BSDC1: variants seen among roughly 807,000 people sequenced by gnomAD.
The protein encoded by BSDC1 is BSD domain-containing protein 1.
A neutral mutation model predicts 56.0 loss-of-function variants in BSDC1; 29 were observed. That is an observed-to-expected ratio of 0.52 (90% confidence interval 0.39 to 0.71). The LOEUF is 0.71. Ranked by LOEUF, BSDC1 falls within the 30% of genes least tolerant of loss-of-function variation. The probability of loss-of-function intolerance (pLI) is 0.00; values close to 1 mark genes in which losing one functional copy is unlikely to be tolerated. For synonymous variants in BSDC1, 210 were observed against 215.3 expected, an observed-to-expected ratio of 0.98 and a Z score of 0.21; for missense variants, 477 against 548.5, an observed-to-expected ratio of 0.87 and a Z score of 1.30.
intron 2 of BSDC1, among the ~76,000 whole-genome samples, chr1:32,390,633 G>C (rs571205607): frequency 3.3e-5 from 5 of 152,132 alleles, no homozygotes; most frequent in Non-Finnish European, 2.9e-5. Context: ...AAAGCTGGCC[G>C]GGCATGGTGG....
rs1371994155 is a variant in BSDC1, at chr1:32,364,747, A to G, written c.*1875T>C. On this transcript the variant is annotated 3_prime_UTR_variant, in exon 11 of 11. Coordinates refer to ENST00000455895, the MANE Select transcript of BSDC1 (RefSeq NM_018045.8). ...GCCACTGCGCCTGGCATGACAAGTG[A>G]TTTTCATACTAAAGTTAATTAAAAT... Among the ~76,000 whole-genome samples, 3 of 152,194 alleles carry G rather than the reference A, an allele frequency of 2.0e-5. No individual in the cohort carries two copies. The highest frequency in any genetic ancestry group is 7.2e-5 in the African/African-American group (3 of 41,438).
In BSDC1 at chr1:32,381,262, G is replaced by A; in HGVS notation, c.364C>T (p.Leu122Phe). Residue 122 changes from leucine to phenylalanine, a missense_variant, in exon 5 of 11, where the codon CTC (leucine) becomes TTC (phenylalanine). Coordinates refer to ENST00000455895, the MANE Select transcript of BSDC1 (RefSeq NM_018045.8). ...GCTGGGTCCGACTGCAGGCTATAGA[G>A]GCGAGCCTGTAAGAAAAGGAGAAGA... is the stretch of plus-strand genomic sequence containing the variant. Reference protein sequence around the residue: ...AEPYDGTKARLYSLQSDPATY... With the variant: ...AEPYDGTKARFYSLQSDPATY... 1 of 1,613,628 alleles carries A rather than the reference G, an allele frequency of 6.2e-7. No individual in the cohort carries two copies. The highest frequency in any genetic ancestry group is 1.1e-5 in the South Asian group (1 of 91,000).
At chr1:32,369,429 AG>A (rs1570099521) in intron 9 of BSDC1, 2 of 506,394 alleles carry the variant, frequency 3.9e-6, no homozygotes, top group Non-Finnish European at 6.5e-6. Context: ...TGATCACTTG[AG>A]CCCAGGAGTT....
At position 32,394,101 on chromosome 1, in the gene BSDC1, G is replaced by A. The variant is rs749968308; in HGVS notation, c.51C>T (p.Ser17=). 6.2e-7 allele frequency: 1 copy of A among 1,610,364 alleles called. No homozygotes were observed. Among genetic ancestry groups the A allele is most frequent in the Admixed American group, 1.7e-5 (1 of 59,614 alleles). Residue 17 remains serine (S), a synonymous_variant, in exon 2 of 11, where the codon AGC becomes AGT. Transcript: ENST00000455895. ...VGWWRSWLQQ[S]YQAVKEKSSE... ...TTACCTTCTCTTTGACTGCTTGGTA[G>A]CTCTGCTGCAGCCAGCTCCGCCACC...
At chr1:32,373,436 A>C (rs1381456864) in intron 9 of BSDC1, among the ~76,000 whole-genome samples, 1 of 151,980 alleles carries the variant, frequency 6.6e-6, no homozygotes, top group East Asian at 1.9e-4. Flanking sequence ...TAACCCTCCA[A>C]CTGTTTCACT....
chr1:32,372,228 G>C (rs1329787366), intron 9 of BSDC1, among the ~76,000 whole-genome samples: 2 of 152,208 alleles, frequency 1.3e-5, no homozygotes, highest in African/African-American at 4.8e-5. Context: ...GGGCAGCCAA[G>C]ACCCAGCTCT....
chr1:32,380,843 T>G (rs1455924025), intron 5 of BSDC1, among the ~76,000 whole-genome samples: 1 of 152,040 alleles, frequency 6.6e-6, no homozygotes, highest in Non-Finnish European at 1.5e-5. Flanking sequence ...TCCTGGAGGG[T>G]TGGACTAGGT....
In BSDC1 at chr1:32,378,087, C is replaced by G. The variant is rs759508472; in HGVS notation, c.598-39G>C. The G allele has an allele frequency of 5.0e-6, 8 of 1,596,900 alleles. No individual in the cohort carries two copies. The Admixed American group carries it at 1.4e-4, about 27-fold the overall frequency. ...AGCAGAAGGCCACAGGCAGTCAGGG[C>G]ACCCTCTTCCTAGACCCTGGTCCTG... On this transcript the variant is annotated intron_variant, in intron 7 of 10. Coordinates refer to ENST00000455895, the MANE Select transcript of BSDC1 (RefSeq NM_018045.8). The surrounding 1 kb of genome is among the most constrained non-coding windows in gnomAD (Gnocchi z 5.2).
chr1:32,381,324 C>T, intron 4 of BSDC1, 56 bp from the exon 5 acceptor site: 1 of 1,509,434 alleles, frequency 6.6e-7, no homozygotes, highest in South Asian at 1.2e-5. Flanking sequence ...GCATAGAAAG[C>T]ACCCTTTCTC....
At position 32,376,296 on chromosome 1, in the gene BSDC1, A is replaced by G; in HGVS notation, c.1122T>C (p.Ser374=). 2 of 1,568,478 alleles carry G rather than the reference A, an allele frequency of 1.3e-6. No homozygotes were observed. Among genetic ancestry groups the G allele is most frequent in the South Asian group, 1.2e-5 (1 of 86,708 alleles). The change falls in exon 9 of 11, where the codon AGT becomes AGC. Residue 374 remains serine (S), a synonymous_variant. Transcript: ENST00000455895. ...CATTGTTGGAGGGTGTAGACTTCCC[A>G]CTATCCGAGTTCAGCTCAAACACCC... ...DLRVFELNSD[S]GKSTPSNNGK... is the part of the protein sequence containing the mutation.
intron 9 of BSDC1, among the ~76,000 whole-genome samples, chr1:32,375,180 C>T (rs529505117): frequency 1.3e-5 from 2 of 151,970 alleles, no homozygotes; most frequent in Admixed American, 1.3e-4. Context: ...CAGGTAGGAG[C>T]CCAATGGATG....
At chr1:32,388,962 T>C (rs1035207167) in intron 2 of BSDC1, among the ~76,000 whole-genome samples, 8 of 151,284 alleles carry the variant, frequency 5.3e-5, no homozygotes, top group Non-Finnish European at 1.2e-4. Flanking sequence ...TTTTTCTTTT[T>C]TTTTTTTTTT....
chr1:32,375,475 G>C (rs1642248320), intron 9 of BSDC1, among the ~76,000 whole-genome samples: 1 of 152,132 alleles, frequency 6.6e-6, no homozygotes, highest in Non-Finnish European at 1.5e-5. Context: ...CCCTGAAGTG[G>C]TATTTTGGAT....
Position 32,386,790 on chromosome 1 carries a change from C to T in BSDC1, c.178G>A (p.Glu60Lys). The T allele has an allele frequency of 6.2e-7, 1 of 1,612,966 alleles. No homozygotes were observed. The highest frequency in any genetic ancestry group is 8.5e-7 in the Non-Finnish European group (1 of 1,179,930). Residue 60 changes from glutamate to lysine, a missense_variant, in exon 3 of 11, where the codon GAG (glutamate) becomes AAG (lysine). By Grantham distance (56) the Glu-to-Lys change is moderately conservative. Transcript: ENST00000455895. The part of the protein sequence containing the change: ...TIAATASVVK[E>K]KLATEGSSGA... ...TGGGTGGTACTCACAGCCAGCTTCT[C>T]CTTGACCACGCTGGCCGTGGCTGCG...
At chr1:32,383,446 T>C (rs1434212034) in intron 4 of BSDC1, among the ~76,000 whole-genome samples, 5 of 150,260 alleles carry the variant, frequency 3.3e-5, no homozygotes, top group Admixed American at 6.6e-5. Context: ...AGTGAGACCC[T>C]GTCTCATTAA....
At position 32,376,573 on chromosome 1, in the gene BSDC1, C is replaced by G. The variant is rs997688250; in HGVS notation, c.845G>C (p.Ser282Thr). Reference sequence around the variant, plus strand: ...GGCGATCTGTGTCACGAGGGAGATGCTCTCACTGCTCTCTGATGGAGTCAC... The same window carrying G: ...GGCGATCTGTGTCACGAGGGAGATGGTCTCACTGCTCTCTGATGGAGTCAC... ...AEVTPSESSE[S>T]ISLVTQIANP... The change falls in exon 9 of 11, where the codon AGC (serine) becomes ACC (threonine). Residue 282 changes from serine to threonine, a missense_variant. Coordinates refer to ENST00000455895, the MANE Select transcript of BSDC1 (RefSeq NM_018045.8). 1 of 1,521,568 alleles carries G rather than the reference C, an allele frequency of 6.6e-7. No individual in the cohort carries two copies. Among genetic ancestry groups the G allele is most frequent in the Admixed American group, 1.9e-5 (1 of 53,486 alleles). 94.3% of individuals were successfully genotyped at this position (1,521,568 alleles called of 1,614,324 possible). A position where few individuals can be genotyped will look rare whatever the true frequency, so the allele number is the denominator to read the frequency against.
chr1:32,384,108 A>G, intron 3 of BSDC1, 111 bp from the exon 4 acceptor site: 3 of 1,473,272 alleles, frequency 2.0e-6, no homozygotes, highest in Non-Finnish European at 2.8e-6. Context: ...GGACCAGGGA[A>G]GCGCTCACGA....
In BSDC1 at chr1:32,378,657, A is replaced by G. The variant is rs1479981700; in HGVS notation, c.528+67T>C. The stretch of plus-strand genomic sequence containing the variant: ...AGATGACTCTGCAGTGACTCTGAAC[A>G]TGTCCCTCCCACCTCCCAACACCTC... On this transcript the variant is annotated intron_variant, in intron 6 of 10. Transcript: ENST00000455895. The surrounding 1 kb of genome is among the most constrained non-coding windows in gnomAD (Gnocchi z 5.2). 27 of 1,111,522 alleles carry G rather than the reference A, an allele frequency of 2.4e-5. No homozygotes were observed. In the East Asian group the frequency reaches 7.3e-4, roughly 30 times the overall value. 68.9% of individuals were successfully genotyped at this position (1,111,522 alleles called of 1,614,324 possible). A position where few individuals can be genotyped will look rare whatever the true frequency, so the allele number is the denominator to read the frequency against.
At chr1:32,393,727 T>A (rs1017605073) in intron 2 of BSDC1, 1 of 291,532 alleles carries the variant, frequency 3.4e-6, no homozygotes. Context: ...ACTATACGAG[T>A]AAGTTTTTTT....
Sources: allele counts gnomAD v4.1 joint callset (sites outside exome capture counted in the v4.1 genomes callset), GRCh38; gene constraint gnomAD v4.1.1; non-coding constraint Gnocchi (gnomAD v3.1); transcripts MANE v1.5; gene names NCBI Gene and HGNC (gene_info 2026-07-23, HGNC 2026-07-21).